The following GRK7 variants were observed in gnomAD, a reference collection of about 807,000 sequenced individuals.
GRK7 encodes G protein-coupled receptor kinase 7, also known as rhodopsin kinase GRK7.
A neutral mutation model predicts 34.1 loss-of-function variants in GRK7; 24 were observed. The observed-to-expected ratio is 0.70, with a 90% CI of 0.51 to 0.99. The LOEUF (loss-of-function observed/expected upper bound fraction) is 0.99, where lower values mean the gene tolerates loss of function less well. Ranked by LOEUF, GRK7 falls within the 50% of genes least tolerant of loss-of-function variation. GRK7 has a pLI of 0.00. For missense variants in GRK7, 644 were observed against 707.3 expected (o/e 0.91, Z 1.02); for synonymous variants, 256 against 279.4 (o/e 0.92, Z 0.84).
chr3:141,801,646 T>C (rs1710967933), intron 4 of GRK7, among the ~76,000 whole-genome samples: 1 of 152,238 alleles, frequency 6.6e-6, no homozygotes, highest in Admixed American at 6.5e-5. Context: ...TAATTATTCT[T>C]ATTTTTTAAA....
intron 4 of GRK7, among the ~76,000 whole-genome samples, chr3:141,782,732 G>A (rs1204316525): frequency 2.0e-5 from 3 of 151,848 alleles, no homozygotes; most frequent in Non-Finnish European, 4.4e-5. Flanking sequence ...GTCAACCCAG[G>A]AGGCGGAGCT....
chr3:141,817,171 C>A lies in GRK7; in HGVS notation c.*121C>A. On this transcript the variant is annotated 3_prime_UTR_variant, in exon 6 of 6. Coordinates refer to ENST00000682958, the MANE Select transcript of GRK7 (RefSeq NM_139209.3). ...TAGGAGGGACATCACAACCACAAAA[C>A]AATTCAAAAGACAGGCAAGCTCACT... 1.4e-6 allele frequency: 1 copy of A among 710,948 alleles called. No homozygotes were observed. The highest frequency in any genetic ancestry group is 2.3e-6 in the Non-Finnish European group (1 of 437,136). 44.0% of individuals were successfully genotyped at this position (710,948 alleles called of 1,614,324 possible).
intron 1 of GRK7, among the ~76,000 whole-genome samples, chr3:141,766,787 T>C (rs564656261): frequency 1.4e-3 from 210 of 152,382 alleles, no homozygotes; most frequent in African/African-American, 4.7e-3. Context: ...TAATAATCTA[T>C]GTCTTCTAAT....
chr3:141,782,168 C>A (rs998677229), intron 4 of GRK7, among the ~76,000 whole-genome samples: 8 of 152,104 alleles, frequency 5.3e-5, no homozygotes, highest in Admixed American at 5.2e-4. Flanking sequence ...CTTAAAAAGA[C>A]CAATGCGGCA....
intron 1 of GRK7, among the ~76,000 whole-genome samples, 134 bp downstream of exon 1, chr3:141,765,872 A>G (rs2084578357): frequency 6.6e-6 from 1 of 152,242 alleles, no homozygotes; most frequent in African/African-American, 2.4e-5. Flanking sequence ...AGTACTCAGT[A>G]CTACTTACGA....
At chr3:141,799,035 T>C (rs927702790) in intron 4 of GRK7, among the ~76,000 whole-genome samples, 1 of 152,148 alleles carries the variant, frequency 6.6e-6, no homozygotes, top group African/African-American at 2.4e-5. Context: ...GGGGAGGTGG[T>C]TGCAGAGCAT....
chr3:141,771,931 C>T lies in GRK7; in HGVS notation c.-214-2649C>T, dbSNP rs372137313. ...AACTCCTGACCTCAGGTGATCCACC[C>T]GTCTCAGCCTCCCAAAAGTGCTGGG... On this transcript the variant is annotated intron_variant, in intron 1 of 5. Coordinates refer to ENST00000682958, the MANE Select transcript of GRK7 (RefSeq NM_139209.3). Among the ~76,000 whole-genome samples, 17 of 151,882 alleles carry T rather than the reference C, an allele frequency of 1.1e-4. No individual in the cohort carries two copies. In the East Asian group the frequency reaches 1.4e-3, roughly 12 times the overall value.
At chr3:141,758,875 C>T (rs1371369246), upstream of GRK7, among the ~76,000 whole-genome samples, 1 of 151,314 alleles carries the variant, frequency 6.6e-6, no homozygotes, top group African/African-American at 2.4e-5. Flanking sequence ...CTTCACATCC[C>T]TTGTAAGTTG....
rs747092764 is a variant in GRK7, at chr3:141,778,894, G to A, written c.610G>A (p.Glu204Lys). The A allele has an allele frequency of 1.2e-6, 2 of 1,606,032 alleles. No homozygotes were observed. Among genetic ancestry groups the A allele is most frequent in the African/African-American group, 2.7e-5 (2 of 74,788 alleles). Residue 204 changes from glutamate to lysine, a missense_variant and splice_region_variant, in exon 3 of 6, where the codon GAG becomes AAG. Transcript: ENST00000682958. This position sits in a 1 kb window ranked among gnomAD's most constrained non-coding sequence, Gnocchi z 4.1. Reference sequence around the variant, plus strand: ...AGTGCTGGGGAAAGGTGGTTTTGGGGAGGTAAGTGTCTCCCAGTAGCCAGG... The same window carrying A: ...AGTGCTGGGGAAAGGTGGTTTTGGGAAGGTAAGTGTCTCCCAGTAGCCAGG... Reference protein sequence around the residue: ...FRVLGKGGFGEVCAVQVKNTG... With the variant: ...FRVLGKGGFGKVCAVQVKNTG...
chr3:141,812,186 G>A (rs1439981705), intron 5 of GRK7, among the ~76,000 whole-genome samples: 1 of 152,106 alleles, frequency 6.6e-6, no homozygotes, highest in Non-Finnish European at 1.5e-5. Flanking sequence ...TCTCTGTGTG[G>A]GGTTCCATAG....
At chr3:141,757,206 A>C in the GRK7 span, among the ~76,000 whole-genome samples, 2 of 136,408 alleles carry the variant, frequency 1.5e-5, 1 homozygote, top group Middle Eastern at 8.8e-3. Flanking sequence ...TGCGCAGGTT[A>C]GTTACATATG....
chr3:141,785,486 T>C (rs2084691807), intron 4 of GRK7, among the ~76,000 whole-genome samples: 2 of 152,172 alleles, frequency 1.3e-5, no homozygotes, highest in South Asian at 4.1e-4. Context: ...TGTTTTAGGC[T>C]GGCCGTGGTG....
At chr3:141,781,448 A>T (rs113799734) in intron 4 of GRK7, among the ~76,000 whole-genome samples, 10,308 of 151,790 alleles carry the variant, frequency 0.068, 1,184 homozygotes, top group African/African-American at 0.23. Context: ...GAGGCAGGAG[A>T]ATCGCTTGAA....
intron 4 of GRK7, 92 bp from the exon 5 acceptor site, chr3:141,807,553 A>G: frequency 9.2e-7 from 1 of 1,086,940 alleles, no homozygotes. Flanking sequence ...GAAAAGGAGA[A>G]TGTGTATTAG....
At chr3:141,802,280 G>A (rs1710977498) in intron 4 of GRK7, among the ~76,000 whole-genome samples, 1 of 152,016 alleles carries the variant, frequency 6.6e-6, no homozygotes, top group African/African-American at 2.4e-5. Context: ...TTGAGCCTAG[G>A]AGGTGGAAGC....
At chr3:141,765,929 T>C (rs2084578561) in intron 1 of GRK7, among the ~76,000 whole-genome samples, 191 bp downstream of exon 1, 1 of 152,212 alleles carries the variant, frequency 6.6e-6, no homozygotes, top group Admixed American at 6.5e-5. Context: ...TGCTATCAGG[T>C]AAGAGGTGTT....
intron 5 of GRK7, 26 bp from the exon 6 acceptor site, chr3:141,816,688 A>G: frequency 7.0e-7 from 1 of 1,421,888 alleles, no homozygotes; most frequent in African/African-American, 1.4e-5. Flanking sequence ...ACTCTGTCTC[A>G]GGCTGATCAT....
intron 1 of GRK7, among the ~76,000 whole-genome samples, chr3:141,771,016 A>G (rs983155224): frequency 1.4e-5 from 2 of 141,502 alleles, no homozygotes; most frequent in African/African-American, 5.2e-5. Context: ...AAAAAAAAAA[A>G]GTCAAAACCA....
chr3:141,777,386 G>A (rs2084644898), intron 2 of GRK7, among the ~76,000 whole-genome samples: 1 of 119,780 alleles, frequency 8.3e-6, no homozygotes, highest in African/African-American at 3.2e-5. Flanking sequence ...GTGCAGTGGC[G>A]CAATCTCGGC....
Sources: gnomAD v4.1 joint callset for allele counts (sites outside exome capture counted in the v4.1 genomes callset) on GRCh38, gnomAD v4.1.1 for gene constraint, Gnocchi (gnomAD v3.1) non-coding constraint, MANE v1.5 for transcripts, NCBI Gene and HGNC (gene_info 2026-07-23, HGNC 2026-07-21) for gene names.